The following ARHGEF3 variants were observed in gnomAD, a reference collection of about 807,000 sequenced individuals.
ARHGEF3 encodes the protein Rho guanine nucleotide exchange factor 3, also known as 59.8 kDA protein.
ARHGEF3 carries 28 observed loss-of-function variants against 63.2 expected under a neutral mutation model. That is an observed-to-expected ratio of 0.44 (90% CI 0.33 to 0.61). The LOEUF (loss-of-function observed/expected upper bound fraction) is 0.61, where lower values mean the gene tolerates loss of function less well. ARHGEF3 is among the 20% of genes least tolerant of loss of function. The pLI, the probability that ARHGEF3 is intolerant of heterozygous loss-of-function variation, is 0.03. For synonymous variants in ARHGEF3, 266 were observed against 254.2 expected, an observed-to-expected ratio of 1.05 and a Z score of -0.44; for missense variants, 533 against 659.3, an observed-to-expected ratio of 0.81 and a Z score of 2.10.
chr3:56,936,779 G>A (rs371493812), intron 3 of ARHGEF3, among the ~76,000 whole-genome samples: 5 of 152,056 alleles, frequency 3.3e-5, no homozygotes, highest in Admixed American at 6.5e-5. Context: ...GACTGCAGTC[G>A]CACAATCACA....
At chr3:56,985,945 G>A (rs35620337) in intron 2 of ARHGEF3, among the ~76,000 whole-genome samples, 20,714 of 152,234 alleles carry the variant, frequency 0.14, 1,908 homozygotes, top group Non-Finnish European at 0.2. Flanking sequence ...ACAGGCTGCT[G>A]CTGCTGGGCT....
chr3:56,973,259 C>T (rs1477952147), intron 2 of ARHGEF3, among the ~76,000 whole-genome samples: 3 of 152,076 alleles, frequency 2.0e-5, no homozygotes, highest in Admixed American at 6.6e-5. Context: ...CCTCGTGATC[C>T]GCGCGCCTCG....
chr3:56,845,247 T>C (rs1160616308), intron 4 of ARHGEF3, among the ~76,000 whole-genome samples: 1 of 152,210 alleles, frequency 6.6e-6, no homozygotes, highest in Non-Finnish European at 1.5e-5. Context: ...GACCCTGAAG[T>C]AGTAGAAGGC....
intron 3 of ARHGEF3, among the ~76,000 whole-genome samples, chr3:56,900,766 T>C (rs79629735): frequency 0.032 from 4,922 of 152,332 alleles, 269 homozygotes; most frequent in African/African-American, 0.11. Context: ...CAGATCACAA[T>C]TGATGTTATC....
intron 2 of ARHGEF3, among the ~76,000 whole-genome samples, chr3:57,001,341 G>A (rs368330253): frequency 1.2e-3 from 181 of 152,324 alleles, no homozygotes; most frequent in African/African-American, 4.2e-3. Flanking sequence ...ATGGATATAA[G>A]CTCAATTAAT....
chr3:56,928,314 T>C (rs776417296), intron 3 of ARHGEF3, among the ~76,000 whole-genome samples: 8 of 151,876 alleles, frequency 5.3e-5, no homozygotes, highest in Non-Finnish European at 5.9e-5. Flanking sequence ...CTAGAAGACA[T>C]TGAGGCTCAG....
chr3:57,064,323 C>CTTTTTT (rs148897316), intron 1 of ARHGEF3, among the ~76,000 whole-genome samples: 1 of 149,848 alleles, frequency 6.7e-6, no homozygotes. Context: ...TTTTTTCTTT[C>CTTTTTT]TTTTTTTTTC....
intron 7 of ARHGEF3, among the ~76,000 whole-genome samples, chr3:56,741,609 T>C (rs1438267186): frequency 7.2e-6 from 1 of 139,106 alleles, no homozygotes; most frequent in Non-Finnish European, 1.5e-5. Flanking sequence ...GTTCACACCA[T>C]TCTCCTGCCT....
intron 4 of ARHGEF3, among the ~76,000 whole-genome samples, chr3:56,837,891 G>T (rs1432240003): frequency 6.6e-6 from 1 of 152,286 alleles, no homozygotes; most frequent in South Asian, 2.1e-4. Context: ...TCCTCCAGCA[G>T]CCAGAAACTT....
chr3:56,818,339 C>T (rs1307421191), intron 4 of ARHGEF3, among the ~76,000 whole-genome samples: 1 of 152,190 alleles, frequency 6.6e-6, no homozygotes, highest in African/African-American at 2.4e-5. Context: ...GGGTGGCCAT[C>T]TCAAAGCTAT....
intron 4 of ARHGEF3, 22 bp downstream of exon 4, chr3:56,753,482 T>G (rs751813722): frequency 6.2e-7 from 1 of 1,609,782 alleles, no homozygotes; most frequent in East Asian, 2.2e-5. Flanking sequence ...TTGACTCAAG[T>G]GACTGCTGGA....
intron 2 of ARHGEF3, among the ~76,000 whole-genome samples, chr3:56,995,345 A>G (rs1479615699): frequency 6.6e-6 from 1 of 152,092 alleles, no homozygotes; most frequent in African/African-American, 2.4e-5. Context: ...TCGTCCTCTG[A>G]TGACTCTGAT....
At chr3:56,732,596 C>T (rs1012307607) in intron 8 of ARHGEF3, among the ~76,000 whole-genome samples, 172 bp from the exon 9 acceptor site, 15 of 152,154 alleles carry the variant, frequency 9.9e-5, no homozygotes, top group African/African-American at 3.6e-4. Context: ...GGAGGCACTT[C>T]CAGATATGTC....
At chr3:57,064,428 ATCC>A (rs1296156857) in intron 1 of ARHGEF3, among the ~76,000 whole-genome samples, 1 of 151,648 alleles carries the variant, frequency 6.6e-6, no homozygotes, top group Non-Finnish European at 1.5e-5. Flanking sequence ...GACTCAAGTG[ATCC>A]TCCCATCTCA....
intron 3 of ARHGEF3, among the ~76,000 whole-genome samples, chr3:56,936,120 G>T (rs1396923314): frequency 6.6e-6 from 1 of 152,168 alleles, no homozygotes; most frequent in African/African-American, 2.4e-5. Flanking sequence ...TTTTCTTAGG[G>T]ATTTGGGGAT....
At chr3:56,996,442 G>A (rs1354547919) in intron 2 of ARHGEF3, among the ~76,000 whole-genome samples, 1 of 152,182 alleles carries the variant, frequency 6.6e-6, no homozygotes, top group Non-Finnish European at 1.5e-5. Flanking sequence ...GATGGTATGA[G>A]GAGGTAGGGC....
chr3:57,005,905 C>T (rs530159608), intron 2 of ARHGEF3, among the ~76,000 whole-genome samples: 14 of 152,282 alleles, frequency 9.2e-5, no homozygotes, highest in East Asian at 7.7e-4. Flanking sequence ...TTTACGTATG[C>T]GATCTCCTCT....
intron 4 of ARHGEF3, among the ~76,000 whole-genome samples, chr3:56,854,521 A>G (rs1436320026): frequency 6.6e-6 from 1 of 152,132 alleles, no homozygotes; most frequent in Non-Finnish European, 1.5e-5. Flanking sequence ...TGGGGAATGG[A>G]TTTGAGAGAC....
At chr3:56,883,723 C>G (rs1363343064) in intron 3 of ARHGEF3, among the ~76,000 whole-genome samples, 1 of 152,218 alleles carries the variant, frequency 6.6e-6, no homozygotes, top group Non-Finnish European at 1.5e-5. Flanking sequence ...CAGTCCCTAA[C>G]CTGTGACTTG....
Sources: allele counts gnomAD v4.1 joint callset (sites outside exome capture counted in the v4.1 genomes callset), GRCh38; gene constraint gnomAD v4.1.1; transcripts MANE v1.5; gene names NCBI Gene and HGNC (gene_info 2026-07-23, HGNC 2026-07-21).